The following PPP1R14C variants were observed in gnomAD, a reference collection of about 807,000 sequenced individuals.
PPP1R14C encodes the protein protein phosphatase 1 regulatory inhibitor subunit 14C, also known as protein phosphatase 1 regulatory subunit 14C.
Under a neutral mutation model 20.4 loss-of-function variants are expected in PPP1R14C, and 16 were observed. The ratio of observed to expected loss-of-function variants is 0.78; its 90% CI spans 0.53 to 1.19. The LOEUF is 1.19. PPP1R14C is among the 50% of genes most tolerant of loss of function. The probability of loss-of-function intolerance (pLI) is 0.00; values close to 1 mark genes in which losing one functional copy is unlikely to be tolerated. For synonymous variants in PPP1R14C, 91 were observed against 91.0 expected, an observed-to-expected ratio of 1.00 and a Z score of 0.00; for missense variants, 211 against 220.1, an observed-to-expected ratio of 0.96 and a Z score of 0.26.
At chr6:150,194,654 C>T (rs951770153) in intron 1 of PPP1R14C, 91 of 985,234 alleles carry the variant, frequency 9.2e-5, no homozygotes, top group Non-Finnish European at 1.1e-4. Context: ...CCTAACTCAC[C>T]TCGCCTTTAG....
At chr6:150,193,615 A>C (rs1377724234) in intron 1 of PPP1R14C, among the ~76,000 whole-genome samples, 13 of 117,174 alleles carry the variant, frequency 1.1e-4, no homozygotes, top group African/African-American at 3.3e-4. Flanking sequence ...GGCTGGGAGA[A>C]GGGGAGGAGG....
intron 1 of PPP1R14C, among the ~76,000 whole-genome samples, chr6:150,172,558 T>G (rs1262361103): frequency 6.6e-6 from 1 of 152,184 alleles, no homozygotes; most frequent in African/African-American, 2.4e-5. Flanking sequence ...ACTTACTCAA[T>G]TCATCATTTA....
At chr6:150,199,731 T>C (rs1422560743) in intron 1 of PPP1R14C, among the ~76,000 whole-genome samples, 1 of 152,102 alleles carries the variant, frequency 6.6e-6, no homozygotes, top group Non-Finnish European at 1.5e-5. Flanking sequence ...TAGCCAGGCT[T>C]AGTGGCACGC....
intron 1 of PPP1R14C, among the ~76,000 whole-genome samples, chr6:150,212,170 T>C (rs1778032633): frequency 6.6e-6 from 1 of 152,242 alleles, no homozygotes; most frequent in African/African-American, 2.4e-5. Context: ...CAATAGAGCT[T>C]TCTGCTACAA....
At chr6:150,184,283 A>C (rs901173175) in intron 1 of PPP1R14C, among the ~76,000 whole-genome samples, 1 of 152,126 alleles carries the variant, frequency 6.6e-6, no homozygotes, top group South Asian at 2.1e-4. Flanking sequence ...CGTCTCCATC[A>C]TACCACCTCC....
At chr6:150,183,259 T>A (rs1777641871) in intron 1 of PPP1R14C, among the ~76,000 whole-genome samples, 1 of 152,192 alleles carries the variant, frequency 6.6e-6, no homozygotes, top group South Asian at 2.1e-4. Context: ...TAAAGTTTAC[T>A]TGAATTTTCT....
chr6:150,235,518 T>C (rs1045967543), intron 3 of PPP1R14C, among the ~76,000 whole-genome samples: 1 of 152,208 alleles, frequency 6.6e-6, no homozygotes, highest in African/African-American at 2.4e-5. Context: ...ATGAAGTTGA[T>C]AACTTAAAGA....
intron 3 of PPP1R14C, among the ~76,000 whole-genome samples, chr6:150,246,932 A>G (rs1309409285): frequency 1.3e-5 from 2 of 152,218 alleles, no homozygotes; most frequent in East Asian, 3.8e-4. Context: ...TGAAAACAAT[A>G]TATTTTCTTC....
chr6:150,153,029 G>A (rs957206431), intron 1 of PPP1R14C, among the ~76,000 whole-genome samples: 6 of 152,220 alleles, frequency 3.9e-5, no homozygotes, highest in South Asian at 4.1e-4. Context: ...AGGGCACAGC[G>A]TGAAAGCACA....
At chr6:150,221,447 T>C (rs1036102912) in intron 3 of PPP1R14C, among the ~76,000 whole-genome samples, 6 of 152,214 alleles carry the variant, frequency 3.9e-5, no homozygotes, top group South Asian at 2.1e-4. Flanking sequence ...TGCCTATCAA[T>C]TAATGGTGTT....
At chr6:150,173,461 G>A (rs78643063) in intron 1 of PPP1R14C, among the ~76,000 whole-genome samples, 5,058 of 152,098 alleles carry the variant, frequency 0.033, 190 homozygotes, top group East Asian at 0.11. Context: ...CATGCTGCTC[G>A]GAGAGGCCAC....
intron 1 of PPP1R14C, among the ~76,000 whole-genome samples, chr6:150,207,325 G>A (rs1184702236): frequency 6.6e-6 from 1 of 152,222 alleles, no homozygotes; most frequent in Non-Finnish European, 1.5e-5. Context: ...TGCTACTTCT[G>A]TCTAAGGCCC....
intron 1 of PPP1R14C, among the ~76,000 whole-genome samples, chr6:150,148,836 G>A (rs548874528): frequency 3.8e-4 from 58 of 152,230 alleles, no homozygotes; most frequent in African/African-American, 1.3e-3. Context: ...TCCCAGCACT[G>A]ACGGATCGCT....
Position 150,248,960 on chromosome 6 carries a change from G to C in PPP1R14C, c.*140G>C, listed in dbSNP as rs1331516868. 12 of 506,804 alleles carry C rather than the reference G, an allele frequency of 2.4e-5. No homozygotes were observed. The highest frequency in any genetic ancestry group is 3.8e-5 in the Non-Finnish European group (11 of 291,514). 31.4% of individuals were successfully genotyped at this position (506,804 alleles called of 1,614,324 possible). A position where few individuals can be genotyped will look rare whatever the true frequency, so the allele number is the denominator to read the frequency against. On this transcript the variant is annotated 3_prime_UTR_variant, in exon 4 of 4. Coordinates refer to ENST00000361131, the MANE Select transcript of PPP1R14C (RefSeq NM_030949.3). The stretch of plus-strand genomic sequence containing the variant: ...TTTTTTCTTTTTTGGTGTGAAGGTG[G>C]GGGGGTCTATTAGACATTTATTCAA...
At chr6:150,196,724 TCTGCTGTGA>T (rs1350721987) in intron 1 of PPP1R14C, among the ~76,000 whole-genome samples, 1 of 152,228 alleles carries the variant, frequency 6.6e-6, no homozygotes, top group Non-Finnish European at 1.5e-5. Flanking sequence ...TCCCTGTCCA[TCTGCTGTGA>T]CTTGTGATCT....
intron 3 of PPP1R14C, among the ~76,000 whole-genome samples, chr6:150,231,321 G>A (rs1277623457): frequency 6.6e-6 from 1 of 152,130 alleles, no homozygotes; most frequent in Non-Finnish European, 1.5e-5. Context: ...TGTCTCCTCT[G>A]TATTAGTATG....
intron 3 of PPP1R14C, among the ~76,000 whole-genome samples, chr6:150,226,029 A>C (rs1455213175): frequency 2.0e-5 from 3 of 152,180 alleles, no homozygotes; most frequent in Admixed American, 2.0e-4. Flanking sequence ...CTACGGCTTC[A>C]TCCTATATGG....
intron 1 of PPP1R14C, among the ~76,000 whole-genome samples, chr6:150,180,124 C>T (rs1160921592): frequency 3.3e-5 from 5 of 152,148 alleles, no homozygotes; most frequent in African/African-American, 1.2e-4. Flanking sequence ...ATCACTTGAA[C>T]CTGGGATCTG....
chr6:150,160,342 GC>G (rs1428626046), intron 1 of PPP1R14C, among the ~76,000 whole-genome samples: 4 of 139,404 alleles, frequency 2.9e-5, no homozygotes, highest in Non-Finnish European at 6.0e-5. Context: ...TCGGCTCACT[GC>G]AAGCTCCACC....
Sources: gnomAD v4.1 joint callset for allele counts (sites outside exome capture counted in the v4.1 genomes callset) on GRCh38, gnomAD v4.1.1 for gene constraint, MANE v1.5 for transcripts, NCBI Gene and HGNC (gene_info 2026-07-23, HGNC 2026-07-21) for gene names.